MGAT4C: variants seen among roughly 807,000 people sequenced by gnomAD.
The protein encoded by MGAT4C is alpha-1,3-mannosyl-glycoprotein 4-beta-N-acetylglucosaminyltransferase C.
In MGAT4C, 19 loss-of-function variants were observed where a neutral mutation model predicts 40.1. That is an observed-to-expected ratio of 0.47 (90% confidence interval 0.33 to 0.70). MGAT4C has a LOEUF of 0.70. Ranked by LOEUF, MGAT4C falls within the 30% of genes least tolerant of loss-of-function variation. The probability of loss-of-function intolerance (pLI) is 0.02; values close to 1 mark genes in which losing one functional copy is unlikely to be tolerated. For missense variants in MGAT4C, 491 were observed against 563.2 expected (o/e 0.87, Z 1.30); for synonymous variants, 181 against 187.1 (o/e 0.97, Z 0.27).
chr12:86,356,546 G>A lies in MGAT4C; in HGVS notation c.-119-22419C>T, dbSNP rs538457382. 9.2e-5 allele frequency among the ~76,000 whole-genome samples: 14 copies of A among 152,246 alleles called. No individual in the cohort carries two copies. In the South Asian group the frequency reaches 2.9e-3, roughly 32 times the overall value. On this transcript the variant is annotated intron_variant, in intron 3 of 7. Transcript: ENST00000548651. ...GCATCACTTCACATGGGAAGCACAA[G>A]GCGTCTGGGAATTCCCTTTCCTAGC...
At chr12:86,257,808 A>T (rs1223668891), upstream of MGAT4C, among the ~76,000 whole-genome samples, 1 of 152,126 alleles carries the variant, frequency 6.6e-6, no homozygotes, top group East Asian at 1.9e-4. Flanking sequence ...TGGGAGCAAG[A>T]GTTCTAGACT....
intron 1 of MGAT4C, among the ~76,000 whole-genome samples, chr12:86,095,678 G>T (rs1873790356): frequency 6.7e-6 from 1 of 149,468 alleles, no homozygotes. Flanking sequence ...GGAACTCGTT[G>T]GCAACTTCTT....
intron 1 of MGAT4C, among the ~76,000 whole-genome samples, chr12:86,105,617 G>C (rs942747738): frequency 6.6e-6 from 1 of 152,064 alleles, no homozygotes; most frequent in Admixed American, 6.6e-5. Flanking sequence ...ATTCCATACT[G>C]TACTTTTTAT....
intron 4 of MGAT4C, among the ~76,000 whole-genome samples, chr12:86,311,060 T>C (rs1049360605): frequency 1.3e-5 from 2 of 152,258 alleles, no homozygotes; most frequent in African/African-American, 2.4e-5. Context: ...CTTTTCTATA[T>C]GTGAGACTAG....
intron 2 of MGAT4C, among the ~76,000 whole-genome samples, chr12:86,574,783 ATAATAT>A (rs1187234846): frequency 2.0e-5 from 3 of 151,758 alleles, no homozygotes; most frequent in Non-Finnish European, 2.9e-5. Flanking sequence ...AATCCCTACT[ATAATAT>A]TTTTATTAAC....
chr12:86,408,197 G>A lies in MGAT4C; in HGVS notation c.-120+26960C>T, dbSNP rs374021546. The stretch of plus-strand genomic sequence containing the variant: ...TTTGAATGCACACATGGGTGACATC[G>A]AAATAAAATTCTATTTTGTAGTATG... On this transcript the variant is annotated intron_variant, in intron 3 of 7. Coordinates refer to the MGAT4C transcript ENST00000548651. Among the ~76,000 whole-genome samples, 12 of 151,868 alleles carry A rather than the reference G, an allele frequency of 7.9e-5. No homozygotes were observed. In the East Asian group the frequency reaches 9.7e-4, roughly 12 times the overall value.
intron 2 of MGAT4C, among the ~76,000 whole-genome samples, chr12:86,557,208 C>T (rs1216435649): frequency 6.6e-6 from 1 of 152,226 alleles, no homozygotes; most frequent in East Asian, 1.9e-4. Context: ...TTGCTATAAA[C>T]ATTTTGTATC....
rs113196758 is a variant in MGAT4C at position 86,295,404 on chromosome 12, G to C, written c.-57+38661C>G. On this transcript the variant is annotated intron_variant, in intron 4 of 7. Transcript: ENST00000548651. The stretch of plus-strand genomic sequence containing the variant: ...AGTGTTACAGCTCTTAAGGCAGCGC[G>C]TCTGGAGTTGTTCATTCCTCCTGGT... Among the ~76,000 whole-genome samples the C allele has an allele frequency of 3.3e-3, 507 of 152,276 alleles. 2 individuals carry two copies. The highest frequency in any genetic ancestry group is 0.012 in the African/African-American group (492 of 41,554).
At chr12:86,408,581 C>T (rs1237926775) in intron 3 of MGAT4C, among the ~76,000 whole-genome samples, 1 of 141,608 alleles carries the variant, frequency 7.1e-6, no homozygotes, top group Non-Finnish European at 1.5e-5. Context: ...TTATTTTTTG[C>T]TTCCCCAACT....
chr12:86,342,608 T>G (rs1478711560), intron 3 of MGAT4C, among the ~76,000 whole-genome samples: 1 of 152,074 alleles, frequency 6.6e-6, no homozygotes, highest in East Asian at 1.9e-4. Flanking sequence ...CCGGCTAATT[T>G]TTTTGTATTT....
chr12:86,077,269 A>C (rs1398525689), intron 1 of MGAT4C, among the ~76,000 whole-genome samples: 1 of 152,194 alleles, frequency 6.6e-6, no homozygotes, highest in Non-Finnish European at 1.5e-5. Flanking sequence ...AATAAAGAAA[A>C]TAATAAGTTC....
intron 3 of MGAT4C, among the ~76,000 whole-genome samples, chr12:86,370,764 G>A (rs1955699050): frequency 6.6e-6 from 1 of 151,950 alleles, no homozygotes; most frequent in Admixed American, 6.6e-5. Context: ...AGTTCAATAT[G>A]TATGCATAAT....
intron 4 of MGAT4C, among the ~76,000 whole-genome samples, chr12:86,315,562 C>T (rs1380280608): frequency 2.6e-5 from 4 of 151,578 alleles, no homozygotes; most frequent in Admixed American, 6.6e-5. Context: ...AAAAATTAGC[C>T]GGGCGTGGTG....
chr12:86,800,884 C>A (rs1952213226), intron 1 of MGAT4C, among the ~76,000 whole-genome samples: 1 of 151,762 alleles, frequency 6.6e-6, no homozygotes, highest in Non-Finnish European at 1.5e-5. Context: ...AGGAAGAAAT[C>A]CTGCTAAGTC....
At chr12:86,678,869 T>G (rs899964109) in intron 2 of MGAT4C, among the ~76,000 whole-genome samples, 22 of 152,206 alleles carry the variant, frequency 1.4e-4, no homozygotes, top group Admixed American at 2.6e-4. Context: ...TTGCTATTGT[T>G]AATAGTGCTG....
chr12:86,061,921 T>G (rs1049594127), intron 1 of MGAT4C, among the ~76,000 whole-genome samples: 4 of 152,070 alleles, frequency 2.6e-5, no homozygotes, highest in African/African-American at 9.7e-5. Context: ...CAGAGCACCT[T>G]GGGGAAGGGG....
In MGAT4C at chr12:86,197,834, C is replaced by A. The variant is rs111703759; in HGVS notation, c.-57+58405G>T. ...ACACAGGCAAGACATCTGCCTCTAT[C>A]AATTCAAATGTATAGTCTAACTTCA... On this transcript the variant is annotated intron_variant, in intron 1 of 4. Transcript: ENST00000611864. Among the ~76,000 whole-genome samples, 1,494 of 152,254 alleles carry A rather than the reference C, an allele frequency of 9.8e-3. 15 individuals carry two copies. The highest frequency in any genetic ancestry group is 0.034 in the African/African-American group (1,424 of 41,538).
At chr12:86,173,799 T>G (rs917807091) in intron 1 of MGAT4C, among the ~76,000 whole-genome samples, 2 of 152,152 alleles carry the variant, frequency 1.3e-5, no homozygotes, top group Non-Finnish European at 2.9e-5. Context: ...CTTATATTTC[T>G]AATATGTGTC....
chr12:85,960,212 G>T lies in MGAT4C; in HGVS notation c.*19077C>A, dbSNP rs1308965419. 6.6e-6 allele frequency: 1 copy of T among 151,996 alleles called. No individual in the cohort carries two copies. The highest frequency in any genetic ancestry group is 1.5e-5 in the Non-Finnish European group (1 of 67,924). 9.4% of individuals were successfully genotyped at this position (151,996 alleles called of 1,614,324 possible). A position where few individuals can be genotyped will look rare whatever the true frequency, so the allele number is the denominator to read the frequency against. ...GAATAAAAACATGATACAACTTGAAGAAATTTTCATCAAACGTCTTTGTCT... is the reference window on the plus strand; with the variant it reads ...GAATAAAAACATGATACAACTTGAATAAATTTTCATCAAACGTCTTTGTCT... On this transcript the variant is annotated 3_prime_UTR_variant, in exon 5 of 5. Coordinates refer to ENST00000611864, the MANE Select transcript of MGAT4C (RefSeq NM_001351288.2).
Sources: gnomAD v4.1 joint callset for allele counts (sites outside exome capture counted in the v4.1 genomes callset) on GRCh38, gnomAD v4.1.1 for gene constraint, MANE v1.5 for transcripts, NCBI Gene and HGNC (gene_info 2026-07-23, HGNC 2026-07-21) for gene names.